Variants in MANBA observed in about 807,000 individuals in gnomAD.
MANBA encodes beta-mannosidase.
In MANBA, 83 loss-of-function variants were observed where a neutral mutation model predicts 111.1. That is an observed-to-expected ratio of 0.75 (90% CI 0.63 to 0.90). The LOEUF (loss-of-function observed/expected upper bound fraction) is 0.90, where lower values mean the gene tolerates loss of function less well. Ranked by LOEUF, MANBA falls within the 40% of genes least tolerant of loss-of-function variation. The pLI is 0.00. For synonymous variants in MANBA, 370 were observed against 378.7 expected, an observed-to-expected ratio of 0.98 and a Z score of 0.27; for missense variants, 1,036 against 1,069.0, an observed-to-expected ratio of 0.97 and a Z score of 0.43.
At chr4:102,696,678 G>A (rs950428637) in intron 5 of MANBA, among the ~76,000 whole-genome samples, 41 of 152,096 alleles carry the variant, frequency 2.7e-4, no homozygotes, top group African/African-American at 9.4e-4. Flanking sequence ...CTCACTGGGG[G>A]GAAAACCTAT....
chr4:102,759,158 T>G (rs1724138936), intron 1 of MANBA, among the ~76,000 whole-genome samples: 1 of 146,550 alleles, frequency 6.8e-6, no homozygotes, highest in South Asian at 2.1e-4. Flanking sequence ...TTTTTAGAGA[T>G]AGAATCTCTC....
intron 7 of MANBA, among the ~76,000 whole-genome samples, chr4:102,688,184 G>A (rs1052208909): frequency 6.6e-6 from 1 of 152,048 alleles, no homozygotes; most frequent in African/African-American, 2.4e-5. Flanking sequence ...GTGTGAGACA[G>A]CACACATCCT....
chr4:102,754,269 T>C (rs1723921144), intron 1 of MANBA, among the ~76,000 whole-genome samples: 1 of 152,108 alleles, frequency 6.6e-6, no homozygotes, highest in Non-Finnish European at 1.5e-5. Context: ...ACTAAATGAC[T>C]AATAAAAGTA....
rs182136098 is a variant in MANBA, at chr4:102,738,726, C to T, written c.178-12043G>A. ...ACACCCCCAAAAGATCACACTAGCT[C>T]TCCAGCAATGGATCGAACCAAGAAG... On this transcript the variant is annotated intron_variant, in intron 1 of 16. Transcript: ENST00000647097. Among the ~76,000 whole-genome samples the T allele has an allele frequency of 3.3e-5, 5 of 152,300 alleles. No individual in the cohort carries two copies. The East Asian group carries it at 9.6e-4, about 29-fold the overall frequency.
At chr4:102,749,535 A>T (rs904576341) in intron 1 of MANBA, among the ~76,000 whole-genome samples, 1 of 152,260 alleles carries the variant, frequency 6.6e-6, no homozygotes, top group African/African-American at 2.4e-5. Flanking sequence ...GACACATTTA[A>T]ATTAAAATAA....
At chr4:102,709,012 G>A (rs1390006487) in intron 5 of MANBA, among the ~76,000 whole-genome samples, 3 of 151,858 alleles carry the variant, frequency 2.0e-5, no homozygotes, top group Non-Finnish European at 2.9e-5. Flanking sequence ...CATACAACCT[G>A]CCAATACTGA....
chr4:102,741,601 A>G (rs2110205794), intron 1 of MANBA, among the ~76,000 whole-genome samples: 2 of 152,358 alleles, frequency 1.3e-5, no homozygotes, highest in South Asian at 4.1e-4. Context: ...AATATGGAAT[A>G]CTACTCAGCC....
chr4:102,657,143 A>C (rs1321483328), intron 12 of MANBA, among the ~76,000 whole-genome samples: 1 of 149,352 alleles, frequency 6.7e-6, no homozygotes, highest in Non-Finnish European at 1.5e-5. Flanking sequence ...CGGAATCTTT[A>C]GGAACAGAGA....
intron 1 of MANBA, among the ~76,000 whole-genome samples, chr4:102,755,980 G>T (rs1383599976): frequency 6.6e-6 from 1 of 152,212 alleles, no homozygotes; most frequent in Non-Finnish European, 1.5e-5. Context: ...AACAACAGGT[G>T]CTGGAGAGGA....
At chr4:102,681,477 C>A (rs185266138) in intron 7 of MANBA, 4 of 152,222 alleles carry the variant, frequency 2.6e-5, no homozygotes, top group African/African-American at 9.6e-5. Flanking sequence ...AATTTCAATT[C>A]TAAAGACACT....
intron 5 of MANBA, among the ~76,000 whole-genome samples, chr4:102,692,987 C>T (rs889974114): frequency 2.0e-5 from 3 of 152,156 alleles, no homozygotes; most frequent in Admixed American, 6.5e-5. Context: ...GTTTATCATT[C>T]GCATCTCCCA....
chr4:102,634,383 C>T (rs112579735), intron 16 of MANBA, among the ~76,000 whole-genome samples: 5 of 152,332 alleles, frequency 3.3e-5, no homozygotes, highest in South Asian at 2.1e-4. Flanking sequence ...ACTTAACCTC[C>T]TAAACTGGCT....
chr4:102,667,545 A>G (rs1182395486), intron 10 of MANBA: 2 of 152,152 alleles, frequency 1.3e-5, no homozygotes, highest in Non-Finnish European at 2.9e-5. Flanking sequence ...GACAGCTGCT[A>G]TTATTTGTTA....
chr4:102,734,897 A>G (rs1041653955), intron 1 of MANBA, among the ~76,000 whole-genome samples: 2 of 152,238 alleles, frequency 1.3e-5, no homozygotes, highest in African/African-American at 4.8e-5. Flanking sequence ...GTCAGCTCAC[A>G]GAGTCACATT....
chr4:102,636,093 C>CA lies in MANBA; in HGVS notation c.2015-87_2015-86insT, dbSNP rs141675551. The CA allele has an allele frequency of 9.4e-3, 11,906 of 1,271,382 alleles. 151 individuals carry two copies. The highest frequency in any genetic ancestry group is 0.037 in the African/African-American group (2,507 of 67,510). 78.8% of individuals were successfully genotyped at this position (1,271,382 alleles called of 1,614,324 possible). A position where few individuals can be genotyped will look rare whatever the true frequency, so the allele number is the denominator to read the frequency against. On this transcript the variant is annotated intron_variant, in intron 14 of 16. Coordinates refer to ENST00000647097, the MANE Select transcript of MANBA (RefSeq NM_005908.4). ...AATGGCCCAGCTGTTTGTGGCTCAT[C>CA]GGGGTTCTAAGGGAGTGAGCATGTG...
intron 10 of MANBA, chr4:102,665,253 T>C (rs1373702111): frequency 4.7e-6 from 1 of 211,798 alleles, no homozygotes; most frequent in Non-Finnish European, 9.5e-6. Context: ...ATTGGACAAA[T>C]TGGAGTTCTG....
chr4:102,644,619 A>T (rs903755165), intron 13 of MANBA, among the ~76,000 whole-genome samples: 6 of 152,130 alleles, frequency 3.9e-5, no homozygotes, highest in Admixed American at 3.3e-4. Context: ...TGGGGGAAAG[A>T]GGAAGTACCA....
intron 5 of MANBA, among the ~76,000 whole-genome samples, chr4:102,702,823 G>C (rs998672265): frequency 3.3e-5 from 5 of 152,134 alleles, no homozygotes; most frequent in African/African-American, 1.2e-4. Context: ...CTAATTTTAA[G>C]TCAAGATATA....
At chr4:102,667,852 T>C (rs1368861764) in intron 10 of MANBA, 1 of 152,232 alleles carries the variant, frequency 6.6e-6, no homozygotes, top group Non-Finnish European at 1.5e-5. Flanking sequence ...TTTGTTTCCT[T>C]CTTTAACATG....
Sources: allele counts gnomAD v4.1 joint callset (sites outside exome capture counted in the v4.1 genomes callset), GRCh38; gene constraint gnomAD v4.1.1; transcripts MANE v1.5; gene names NCBI Gene and HGNC (gene_info 2026-07-23, HGNC 2026-07-21).